SLCO1C1: variants seen among roughly 807,000 people sequenced by gnomAD.
SLCO1C1 encodes the protein OAT-RP-5.
A neutral mutation model predicts 76.4 loss-of-function variants in SLCO1C1; 70 were observed. The ratio of observed to expected loss-of-function variants is 0.92; its 90% CI spans 0.76 to 1.12. The LOEUF is 1.12. SLCO1C1 is among the 50% of genes most tolerant of loss of function. The pLI is 0.00. For missense variants in SLCO1C1, 912 were observed against 823.8 expected (o/e 1.11, Z -1.31); for synonymous variants, 306 against 286.1 (o/e 1.07, Z -0.70).
intron 5 of SLCO1C1, among the ~76,000 whole-genome samples, chr12:20,712,573 C>G (rs1173288129): frequency 6.6e-6 from 1 of 152,168 alleles, no homozygotes; most frequent in Non-Finnish European, 1.5e-5. Flanking sequence ...CCAATTTCAA[C>G]CCCTACTCCT....
intron 7 of SLCO1C1, among the ~76,000 whole-genome samples, chr12:20,718,322 T>A (rs2037153): frequency 0.17 from 26,324 of 152,148 alleles, 2,540 homozygotes; most frequent in African/African-American, 0.24. Flanking sequence ...ATTCTCACAG[T>A]GTGTTATGGT....
At chr12:20,724,988 T>C (rs933213465) in intron 9 of SLCO1C1, among the ~76,000 whole-genome samples, 1 of 142,634 alleles carries the variant, frequency 7.0e-6, no homozygotes, top group African/African-American at 2.5e-5. Context: ...ATAGTATAAA[T>C]AATTACATTA....
chr12:20,708,719 A>T (rs1455397491), intron 4 of SLCO1C1, among the ~76,000 whole-genome samples: 2 of 152,168 alleles, frequency 1.3e-5, no homozygotes, highest in Non-Finnish European at 2.9e-5. Flanking sequence ...AAATGCAATG[A>T]CCACGGAGAA....
intron 10 of SLCO1C1, 62 bp downstream of exon 10, chr12:20,733,166 G>A: frequency 7.1e-7 from 1 of 1,418,382 alleles, no homozygotes; most frequent in Non-Finnish European, 9.4e-7. Flanking sequence ...AATTATTGGT[G>A]GAGTTGCAAA....
chr12:20,723,179 G>A lies in SLCO1C1; in HGVS notation c.1111G>A (p.Gly371Ser), dbSNP rs1364933586. ...CACTGTTCAGTTCAATTCTCTGTTCGGCATGGTGACGTACAAACCAAAGTA... is the reference window on the plus strand; with the variant it reads ...CACTGTTCAGTTCAATTCTCTGTTCAGCATGGTGACGTACAAACCAAAGTA... ...TSTVQFNSLF[G>S]MVTYKPKYIE... The change falls in exon 9 of 15, where the codon GGC becomes AGC. Residue 371 changes from glycine to serine, a missense_variant. Coordinates refer to ENST00000266509, the MANE Select transcript of SLCO1C1 (RefSeq NM_017435.5). 18 of 1,613,960 alleles carry A rather than the reference G, an allele frequency of 1.1e-5. No homozygotes were observed. The highest frequency in any genetic ancestry group is 6.7e-5 in the Admixed American group (4 of 59,998).
Position 20,737,218 on chromosome 12 carries a change from T to G in SLCO1C1, c.1494T>G (p.Tyr498Ter). 1 of 1,570,754 alleles carries G rather than the reference T, an allele frequency of 6.4e-7. No homozygotes were observed. Among genetic ancestry groups the G allele is most frequent in the Non-Finnish European group, 8.6e-7 (1 of 1,165,398 alleles). Residue 498 changes from tyrosine (Y) to a stop codon, truncating the protein, a stop_gained, in exon 11 of 15, where the codon TAT becomes TAG. Transcript: ENST00000266509. LOFTEE classifies it high-confidence loss of function. Reference protein sequence around the residue: ...EPMCGENGITYVSACLAGCQT... With the variant: ...EPMCGENGIT The stretch of plus-strand genomic sequence containing the variant: ...TGTGCGGTGAAAATGGAATCACATA[T>G]GTATCAGCTTGTCTTGCTGGTTGTC...
intron 3 of SLCO1C1, among the ~76,000 whole-genome samples, chr12:20,704,305 T>C (rs1018905965): frequency 1.4e-5 from 2 of 145,272 alleles, no homozygotes; most frequent in South Asian, 2.3e-4. Context: ...GACATGCCCA[T>C]TAACGTAACA....
intron 7 of SLCO1C1, among the ~76,000 whole-genome samples, chr12:20,719,860 T>C (rs1007271445): frequency 2.0e-5 from 3 of 152,212 alleles, no homozygotes; most frequent in African/African-American, 2.4e-5. Flanking sequence ...ACTAGGATTA[T>C]TGATGAAAGT....
chr12:20,726,393 C>T (rs868602206), intron 9 of SLCO1C1, among the ~76,000 whole-genome samples: 4 of 151,838 alleles, frequency 2.6e-5, no homozygotes, highest in African/African-American at 4.8e-5. Context: ...AGAAATTTCC[C>T]GACATGTTCA....
chr12:20,746,198 T>C (rs922998667), intron 13 of SLCO1C1, among the ~76,000 whole-genome samples: 6 of 152,130 alleles, frequency 3.9e-5, no homozygotes, highest in African/African-American at 1.2e-4. Context: ...GTGAGATAAA[T>C]TGAAACTCAA....
intron 5 of SLCO1C1, among the ~76,000 whole-genome samples, chr12:20,712,798 A>T (rs1947180476): frequency 6.6e-6 from 1 of 152,154 alleles, no homozygotes; most frequent in Non-Finnish European, 1.5e-5. Context: ...AACATATGGA[A>T]ATGTGGAAGG....
intron 1 of SLCO1C1, among the ~76,000 whole-genome samples, chr12:20,696,179 C>CA (rs1394935500): frequency 2.0e-5 from 3 of 152,126 alleles, no homozygotes; most frequent in African/African-American, 7.2e-5. Context: ...CTGAATCTGA[C>CA]ACAGATAATT....
intron 4 of SLCO1C1, among the ~76,000 whole-genome samples, chr12:20,709,697 A>T (rs1310961256): frequency 1.5e-5 from 1 of 64,886 alleles, no homozygotes; most frequent in Non-Finnish European, 3.5e-5. Context: ...CTGGCTAACA[A>T]GGTGAAACCC....
At chr12:20,720,233 G>A (rs1202715673) in intron 7 of SLCO1C1, among the ~76,000 whole-genome samples, 1 of 152,108 alleles carries the variant, frequency 6.6e-6, no homozygotes, top group East Asian at 1.9e-4. Context: ...AAATATTACT[G>A]CTCATTGGCA....
Position 20,722,288 on chromosome 12 carries a change from T to C in SLCO1C1, c.1021+239T>C, listed in dbSNP as rs573276180. 1.8e-3 allele frequency among the ~76,000 whole-genome samples: 281 copies of C among 152,374 alleles called. 3 individuals carry two copies. The highest frequency in any genetic ancestry group is 2.7e-3 in the Non-Finnish European group (182 of 68,038). ...TCCACCCTCTCACACCTCCTCAGTT[T>C]AGATCCTACCATTGTCTCTACCCAG... On this transcript the variant is annotated intron_variant, in intron 8 of 14. Coordinates refer to ENST00000266509, the MANE Select transcript of SLCO1C1 (RefSeq NM_017435.5).
intron 3 of SLCO1C1, 84 bp downstream of exon 3, chr12:20,701,543 C>A: frequency 9.5e-7 from 1 of 1,051,074 alleles, no homozygotes; most frequent in Non-Finnish European, 1.3e-6. Flanking sequence ...ATTCTATTGT[C>A]TGCTGGGATC....
rs749804734 is a variant in SLCO1C1 at position 20,750,684 on chromosome 12, C to A, written c.1808C>A (p.Pro603Gln). Residue 603 changes from proline (P) to glutamine (Q), a missense_variant, in exon 14 of 15, where the codon CCA (proline) becomes CAA (glutamine). By Grantham distance (76) the Pro-to-Gln change is moderately conservative. Transcript: ENST00000266509. Reference protein sequence around the residue: ...TLAIRVLAGIPAPVYFGVLID... With the variant: ...TLAIRVLAGIQAPVYFGVLID... ...TTTGTTTTTCTCACAGCAGGAATCC[C>A]AGCTCCAGTGTATTTTGGAGTTTTG... The A allele has an allele frequency of 5.6e-6, 9 of 1,613,706 alleles. No homozygotes were observed. Among genetic ancestry groups the A allele is most frequent in the East Asian group, 2.2e-5 (1 of 44,868 alleles).
intron 10 of SLCO1C1, among the ~76,000 whole-genome samples, chr12:20,736,396 C>G (rs1025719145): frequency 1.1e-4 from 16 of 151,942 alleles, no homozygotes; most frequent in Non-Finnish European, 2.2e-4. Context: ...TCTCCCGGAG[C>G]TAGCACTTAG....
At chr12:20,726,563 C>T (rs1313007445) in intron 9 of SLCO1C1, among the ~76,000 whole-genome samples, 1 of 151,924 alleles carries the variant, frequency 6.6e-6, no homozygotes, top group Non-Finnish European at 1.5e-5. Flanking sequence ...AAATTTAAAT[C>T]CAAGAGCTAG....
Sources: allele counts gnomAD v4.1 joint callset (sites outside exome capture counted in the v4.1 genomes callset), GRCh38; gene constraint gnomAD v4.1.1; transcripts MANE v1.5; gene names NCBI Gene and HGNC (gene_info 2026-07-23, HGNC 2026-07-21).